Variants in GFI1B observed in about 807,000 individuals in gnomAD.
GFI1B encodes zinc finger protein Gfi-1b.
GFI1B carries 20 observed loss-of-function variants against 35.3 expected under a neutral mutation model. The ratio of observed to expected loss-of-function variants is 0.57; its 90% confidence interval spans 0.40 to 0.82. The LOEUF (loss-of-function observed/expected upper bound fraction) is 0.82, where lower values mean the gene tolerates loss of function less well. Among genes scored for constraint, GFI1B ranks in the 40% least tolerant of loss-of-function variants. The pLI, the probability that GFI1B is intolerant of heterozygous loss-of-function variation, is 0.00. For missense variants in GFI1B, 430 were observed against 446.3 expected, an observed-to-expected ratio of 0.96 and a Z score of 0.33; for synonymous variants, 178 against 177.6, an observed-to-expected ratio of 1.00 and a Z score of -0.02.
intron 1 of GFI1B, among the ~76,000 whole-genome samples, chr9:132,986,290 C>T (rs1054288208): frequency 6.1e-5 from 9 of 148,300 alleles, no homozygotes; most frequent in Admixed American, 2.0e-4. Flanking sequence ...CGAGTTCTGG[C>T]GGCTGTCGGC....
chr9:132,956,605 T>G (rs1003763525), intron 1 of GFI1B, among the ~76,000 whole-genome samples: 8 of 152,246 alleles, frequency 5.3e-5, no homozygotes, highest in Non-Finnish European at 1.0e-4. Context: ...TGTTGCTGGA[T>G]CCATTCAAAA....
In GFI1B at chr9:132,965,714, G is replaced by A. The variant is rs35458285; in HGVS notation, c.-700-7011G>A. Reference sequence around the variant, plus strand: ...AGATTGCCCGCAGCCAGCAGGCACTGGGAGAGAGGCCTGGGTCAGGTCATC... The same window carrying A: ...AGATTGCCCGCAGCCAGCAGGCACTAGGAGAGAGGCCTGGGTCAGGTCATC... On this transcript the variant is annotated intron_variant, in intron 1 of 10. Transcript: ENST00000339463. Among the ~76,000 whole-genome samples, 472 of 152,312 alleles carry A rather than the reference G, an allele frequency of 3.1e-3. 6 individuals are homozygous for A. Among genetic ancestry groups the A allele is most frequent in the Admixed American group, 0.019 (298 of 15,302 alleles).
chr9:132,987,562 T>A (rs780316033), intron 3 of GFI1B, 143 bp downstream of exon 3: 3 of 938,690 alleles, frequency 3.2e-6, no homozygotes, highest in Non-Finnish European at 5.0e-6. Flanking sequence ...CTCTGTGGCT[T>A]CTGCTTGGGC....
chr9:132,979,195 C>T (rs944886448), intron 1 of GFI1B, among the ~76,000 whole-genome samples: 41 of 151,826 alleles, frequency 2.7e-4, no homozygotes, highest in African/African-American at 8.5e-4. Context: ...GTTGTGTTCC[C>T]CCTCGGAGAC....
chr9:132,990,230 C>T (rs1426704909), intron 6 of GFI1B, among the ~76,000 whole-genome samples: 1 of 151,338 alleles, frequency 6.6e-6, no homozygotes, highest in Admixed American at 6.6e-5. Flanking sequence ...CATTTATTCA[C>T]ACATTCGCTC....
rs377603621 is a variant in GFI1B at position 132,991,058 on chromosome 9, C to T, written c.*8C>T. On this transcript the variant is annotated 3_prime_UTR_variant, in exon 7 of 7. Coordinates refer to ENST00000372122, the MANE Select transcript of GFI1B (RefSeq NM_001377304.1). Reference sequence around the variant, plus strand: ...CAGCACAATCTCAAGTGAGGCTGCGCCGGCTCCCAGCTCCTGGCCAGCCTG... The same window carrying T: ...CAGCACAATCTCAAGTGAGGCTGCGTCGGCTCCCAGCTCCTGGCCAGCCTG... The T allele has an allele frequency of 6.8e-6, 11 of 1,611,912 alleles. No individual in the cohort carries two copies. The African/African-American group carries it at 1.1e-4, about 16-fold the overall frequency.
At chr9:132,978,931 C>G (rs1202784474) in intron 1 of GFI1B, 90 bp downstream of exon 1, 1 of 152,280 alleles carries the variant, frequency 6.6e-6, no homozygotes, top group Admixed American at 6.5e-5. Flanking sequence ...CTGGCTCCTC[C>G]TGCGGTCCTA....
At chr9:132,949,681 G>A (rs1848172074) in intron 1 of GFI1B, 1 of 152,634 alleles carries the variant, frequency 6.6e-6, no homozygotes, top group African/African-American at 2.4e-5. Flanking sequence ...CAGAGGTTAA[G>A]CAGGAAGAGC....
chr9:132,990,739 G>T, intron 6 of GFI1B, 133 bp from the exon 7 acceptor site: 1 of 745,240 alleles, frequency 1.3e-6, no homozygotes, highest in Non-Finnish European at 2.3e-6. Context: ...TTTCTAAAGT[G>T]AATGTGAGTT....
chr9:132,987,670 T>C (rs74673858), intron 3 of GFI1B, among the ~76,000 whole-genome samples: 2,627 of 152,146 alleles, frequency 0.017, 42 homozygotes, highest in Non-Finnish European at 0.029. Context: ...AGGTGGGCAC[T>C]GTGGAGTGAG....
upstream of GFI1B, among the ~76,000 whole-genome samples, chr9:132,978,235 T>G (rs1588425509): frequency 1.1e-4 from 12 of 106,310 alleles, no homozygotes; most frequent in East Asian, 2.6e-4. Context: ...AGAAGGAAAA[T>G]AAGGAAGGGA....
intron 1 of GFI1B, chr9:132,962,783 A>AT: frequency 3.5e-6 from 1 of 284,798 alleles, no homozygotes; most frequent in Non-Finnish European, 6.8e-6. Context: ...TTAGGAATAC[A>AT]TTTTTGACAA....
chr9:132,955,196 C>T (rs1487562361), intron 1 of GFI1B, among the ~76,000 whole-genome samples: 5 of 152,210 alleles, frequency 3.3e-5, no homozygotes, highest in Middle Eastern at 3.4e-3. Context: ...AATAAATTCT[C>T]TTGACCTTTG....
chr9:132,988,403 G>T lies in GFI1B; in HGVS notation c.445G>T (p.Ala149Ser). The T allele has an allele frequency of 6.2e-7, 1 of 1,614,078 alleles. No homozygotes were observed. Among genetic ancestry groups the T allele is most frequent in the South Asian group, 1.1e-5 (1 of 91,082 alleles). The stretch of plus-strand genomic sequence containing the variant: ...TCCTCTTGTGCCCAGCACTGAGCCC[G>T]CCTTGGACTTCAGCCTCCGCTACTC... ...GSPLVPSTEP[A>S]LDFSLRYSPG... is the part of the protein sequence containing the mutation. The change falls in exon 4 of 7, where the codon GCC becomes TCC. Residue 149 changes from alanine (A) to serine (S), a missense_variant. By Grantham distance (99) the Ala-to-Ser change is moderately conservative. Coordinates refer to ENST00000372122, the MANE Select transcript of GFI1B (RefSeq NM_001377304.1).
intron 1 of GFI1B, among the ~76,000 whole-genome samples, chr9:132,955,756 A>G (rs1436599489): frequency 6.6e-6 from 1 of 151,940 alleles, no homozygotes. Context: ...TGAGTGTATT[A>G]GTAAGAGTTC....
intron 1 of GFI1B, among the ~76,000 whole-genome samples, chr9:132,949,324 TACACACACACACACACATAC>T (rs1780037407): frequency 2.2e-5 from 3 of 138,056 alleles, no homozygotes; most frequent in South Asian, 4.7e-4. Flanking sequence ...AACCCACAGA[TACACACACACACACACATAC>T]ACACACACAC....
At chr9:132,974,346 C>A (rs1220580145), upstream of GFI1B, among the ~76,000 whole-genome samples, 23 of 151,866 alleles carry the variant, frequency 1.5e-4, no homozygotes, top group Admixed American at 1.5e-3. Context: ...ACCTGTAATC[C>A]CAGCACTTTG....
intron 1 of GFI1B, among the ~76,000 whole-genome samples, chr9:132,960,055 A>T (rs1588410332): frequency 1.3e-5 from 2 of 152,208 alleles, no homozygotes; most frequent in Admixed American, 1.3e-4. Flanking sequence ...CCAGCAGATG[A>T]CATGGGAAAG....
At chr9:132,984,302 G>C (rs1277171292) in intron 1 of GFI1B, among the ~76,000 whole-genome samples, 1 of 152,062 alleles carries the variant, frequency 6.6e-6, no homozygotes, top group African/African-American at 2.4e-5. Flanking sequence ...AGTTAAAAGC[G>C]GGAAGGAAGG....
Sources: gnomAD v4.1 joint callset for allele counts (sites outside exome capture counted in the v4.1 genomes callset) on GRCh38, gnomAD v4.1.1 for gene constraint, MANE v1.5 for transcripts, NCBI Gene and HGNC (gene_info 2026-07-23, HGNC 2026-07-21) for gene names.